ZBTB20: variants seen among roughly 807,000 people sequenced by gnomAD.
ZBTB20 encodes zinc finger and BTB domain-containing protein 20.
ZBTB20 carries 9 observed loss-of-function variants against 56.9 expected under a neutral mutation model. The observed-to-expected ratio is 0.16, with a 90% CI of 0.10 to 0.28. The LOEUF (loss-of-function observed/expected upper bound fraction) is 0.28. ZBTB20 is among the 10% of genes least tolerant of loss of function. ZBTB20 has a pLI of 1.00. For missense variants in ZBTB20, 655 were observed against 1,003.0 expected (o/e 0.65, Z 4.69); for synonymous variants, 417 against 420.7 (o/e 0.99, Z 0.11).
chr3:114,487,417 C>CT (rs573705121), intron 7 of ZBTB20, among the ~76,000 whole-genome samples: 60 of 152,324 alleles, frequency 3.9e-4, no homozygotes, highest in African/African-American at 1.3e-3. Context: ...TTCCTAGACT[C>CT]TAACATGTTT....
intron 5 of ZBTB20, among the ~76,000 whole-genome samples, chr3:114,744,473 G>A (rs367948222): frequency 5.9e-5 from 9 of 152,042 alleles, no homozygotes; most frequent in African/African-American, 1.9e-4. Context: ...CCCTCCTGTC[G>A]GAAGCCCTCT....
At chr3:114,623,546 G>C (rs1251395759) in intron 6 of ZBTB20, among the ~76,000 whole-genome samples, 1 of 152,132 alleles carries the variant, frequency 6.6e-6, no homozygotes, top group Admixed American at 6.6e-5. Flanking sequence ...CAAAGGTCGG[G>C]TGTGGGGAGG....
At chr3:114,413,444 G>C (rs912506309) in intron 7 of ZBTB20, among the ~76,000 whole-genome samples, 1 of 152,070 alleles carries the variant, frequency 6.6e-6, no homozygotes, top group Admixed American at 6.6e-5. Flanking sequence ...GTCCATAGTG[G>C]GTTATTCAGA....
At chr3:114,862,760 A>T (rs1350614275) in intron 4 of ZBTB20, among the ~76,000 whole-genome samples, 1 of 152,150 alleles carries the variant, frequency 6.6e-6, no homozygotes, top group African/African-American at 2.4e-5. Context: ...AAACTGTCTG[A>T]ATTTTGAAAC....
chr3:114,458,798 C>G (rs1019392956), intron 7 of ZBTB20, among the ~76,000 whole-genome samples: 2 of 151,902 alleles, frequency 1.3e-5, no homozygotes, highest in African/African-American at 4.8e-5. Context: ...GACAACATAT[C>G]CTAATTTAAT....
chr3:114,380,809 G>A lies in ZBTB20; in HGVS notation c.-22C>T, dbSNP rs775477998. 6.6e-7 allele frequency: 1 copy of A among 1,506,320 alleles called. No homozygotes were observed. The allele number at this position is 1,506,320 out of a possible 1,614,324, so 93.3% of individuals were successfully genotyped here. A position where few individuals can be genotyped will look rare whatever the true frequency, so the allele number is the denominator to read the frequency against. On this transcript the variant is annotated 5_prime_UTR_variant, in exon 9 of 12. Coordinates refer to ENST00000675478, the MANE Select transcript of ZBTB20 (RefSeq NM_001348800.3). The stretch of plus-strand genomic sequence containing the variant: ...GCATTTGTCAGGAAGCTTAGAGACA[G>A]GACTCGTGGAGTAATGGGAGGAGCA...
At chr3:114,411,055 T>C (rs2087899409) in intron 7 of ZBTB20, among the ~76,000 whole-genome samples, 1 of 152,216 alleles carries the variant, frequency 6.6e-6, no homozygotes. Flanking sequence ...CTGGGATGGA[T>C]GGCTACTTAC....
chr3:114,496,591 A>G (rs1185283549), intron 7 of ZBTB20, among the ~76,000 whole-genome samples: 4 of 152,318 alleles, frequency 2.6e-5, no homozygotes, highest in African/African-American at 9.6e-5. Flanking sequence ...AGAACATAGT[A>G]CATGAAACAT....
intron 5 of ZBTB20, among the ~76,000 whole-genome samples, chr3:114,721,748 T>C (rs915933326): frequency 3.9e-5 from 6 of 152,170 alleles, no homozygotes; most frequent in Admixed American, 2.0e-4. Context: ...GGATTATATA[T>C]GACAAGATTT....
At chr3:114,697,774 A>C (rs1346390720) in intron 5 of ZBTB20, among the ~76,000 whole-genome samples, 3 of 152,060 alleles carry the variant, frequency 2.0e-5, no homozygotes, top group Non-Finnish European at 4.4e-5. Context: ...GAAAGGGAGA[A>C]ATAGGGAGAG....
intron 7 of ZBTB20, among the ~76,000 whole-genome samples, chr3:114,431,812 T>C (rs2090144096): frequency 6.6e-6 from 1 of 152,196 alleles, no homozygotes; most frequent in Admixed American, 6.5e-5. Flanking sequence ...TTGGTCTGTT[T>C]AACAGACCAA....
At chr3:114,654,177 T>A (rs1381344720) in intron 6 of ZBTB20, among the ~76,000 whole-genome samples, 3 of 151,904 alleles carry the variant, frequency 2.0e-5, no homozygotes, top group Non-Finnish European at 4.4e-5. Flanking sequence ...TCCCACTTTC[T>A]TAAAGTGGAA....
At chr3:115,119,463 T>C (rs1460422822) in intron 1 of ZBTB20, among the ~76,000 whole-genome samples, 1 of 152,172 alleles carries the variant, frequency 6.6e-6, no homozygotes, top group Non-Finnish European at 1.5e-5. Flanking sequence ...CTGTGCTAAA[T>C]ATTTTATACA....
chr3:114,363,080 C>T (rs1473263843), intron 10 of ZBTB20, among the ~76,000 whole-genome samples: 1 of 152,076 alleles, frequency 6.6e-6, no homozygotes, highest in Non-Finnish European at 1.5e-5. Flanking sequence ...CCTTCACATA[C>T]TGGGGATAAA....
chr3:114,624,535 TCCC>T (rs2058538922), intron 6 of ZBTB20, among the ~76,000 whole-genome samples: 3 of 152,102 alleles, frequency 2.0e-5, no homozygotes, highest in African/African-American at 7.2e-5. Flanking sequence ...AAAGATTTCA[TCCC>T]CTTGAATTCT....
intron 6 of ZBTB20, among the ~76,000 whole-genome samples, chr3:114,568,622 T>C (rs1352464431): frequency 1.3e-5 from 2 of 152,204 alleles, no homozygotes; most frequent in East Asian, 1.9e-4. Context: ...TTTAAGTGGA[T>C]AGGGAAGATA....
At chr3:114,643,691 T>C (rs1004632742) in intron 6 of ZBTB20, among the ~76,000 whole-genome samples, 1 of 152,116 alleles carries the variant, frequency 6.6e-6, no homozygotes, top group Non-Finnish European at 1.5e-5. Flanking sequence ...CCCAGAGGTA[T>C]TGAAATTTCA....
chr3:115,113,971 C>A (rs1359508904), intron 1 of ZBTB20, among the ~76,000 whole-genome samples: 2 of 152,092 alleles, frequency 1.3e-5, no homozygotes, highest in Admixed American at 1.3e-4. Context: ...TTAATATAAG[C>A]CCATACTCCA....
At chr3:114,834,149 TATTA>T (rs1173994373) in intron 4 of ZBTB20, among the ~76,000 whole-genome samples, 1 of 152,184 alleles carries the variant, frequency 6.6e-6, no homozygotes. Flanking sequence ...TGGTAATACC[TATTA>T]AAAATTTTAA....
Sources: allele counts gnomAD v4.1 joint callset (sites outside exome capture counted in the v4.1 genomes callset), GRCh38; gene constraint gnomAD v4.1.1; transcripts MANE v1.5; gene names NCBI Gene and HGNC (gene_info 2026-07-23, HGNC 2026-07-21).